JMY: variants seen among roughly 807,000 people sequenced by gnomAD.
JMY encodes junction mediating and regulatory protein, p53 cofactor.
A neutral mutation model predicts 103.3 loss-of-function variants in JMY; 46 were observed. The observed-to-expected ratio is 0.45, with a 90% CI of 0.35 to 0.57. The LOEUF (loss-of-function observed/expected upper bound fraction) is 0.57, where lower values mean the gene tolerates loss of function less well. Ranked by LOEUF, JMY falls within the 20% of genes least tolerant of loss-of-function variation. The probability of loss-of-function intolerance (pLI) is 0.00; values close to 1 mark genes in which losing one functional copy is unlikely to be tolerated. For missense variants in JMY, 1,238 were observed against 1,255.2 expected, an observed-to-expected ratio of 0.99 and a Z score of 0.21; for synonymous variants, 526 against 489.3, an observed-to-expected ratio of 1.07 and a Z score of -0.99.
At chr5:79,284,885 C>G (rs908114677) in intron 2 of JMY, 1 of 1,565,100 alleles carries the variant, frequency 6.4e-7, no homozygotes, top group East Asian at 2.2e-5. Context: ...TTTTTGCTGC[C>G]TTTCGTAAGG....
intron 7 of JMY, 60 bp downstream of exon 7, chr5:79,306,521 A>G: frequency 8.9e-7 from 1 of 1,119,360 alleles, no homozygotes; most frequent in Non-Finnish European, 1.3e-6. Flanking sequence ...TTTAGAGTGG[A>G]TAAAATCTGT....
At chr5:79,311,920 G>A (rs922997198) in intron 7 of JMY, among the ~76,000 whole-genome samples, 45 of 152,108 alleles carry the variant, frequency 3.0e-4, no homozygotes, top group Non-Finnish European at 5.9e-4. Context: ...AGGTTCAAGC[G>A]ATTCTCCTGC....
intron 2 of JMY, among the ~76,000 whole-genome samples, chr5:79,279,163 A>G (rs1023290400): frequency 7.2e-5 from 11 of 152,042 alleles, no homozygotes; most frequent in East Asian, 5.8e-4. Flanking sequence ...GTGAAAACCC[A>G]TCTCTACTAA....
rs557529241 is a variant in JMY, at chr5:79,244,820, C to T, written c.1032+7138C>T. On this transcript the variant is annotated intron_variant, in intron 1 of 10. Transcript: ENST00000396137. ...AGGCACTGAAAACTAAATAATAGTT[C>T]TTGTAACTATTTGTTTTTTTTTTTT... Among the ~76,000 whole-genome samples, 171 of 146,084 alleles carry T rather than the reference C, an allele frequency of 1.2e-3. 1 individual carries two copies. Among genetic ancestry groups the T allele is most frequent in the East Asian group, 8.2e-3 (41 of 5,030 alleles).
At position 79,236,655 on chromosome 5, in the gene JMY, C is replaced by A; in HGVS notation, c.5C>A (p.Ser2Ter). The A allele has an allele frequency of 1.4e-6, 2 of 1,417,136 alleles. No homozygotes were observed. Among genetic ancestry groups the A allele is most frequent in the Non-Finnish European group, 9.3e-7 (1 of 1,072,502 alleles). The allele number at this position is 1,417,136 out of a possible 1,614,324, so 87.8% of individuals were successfully genotyped here. Reference sequence around the variant, plus strand: ...CGGCGAGAAGCCGGAGCCACCATGTCGTTCGCGCTGGAGGAGACGCTCGAG... The same window carrying A: ...CGGCGAGAAGCCGGAGCCACCATGTAGTTCGCGCTGGAGGAGACGCTCGAG... M[S>*]FALEETLESD... is the part of the protein sequence containing the mutation. The change falls in exon 1 of 11, where the codon TCG (serine) becomes TAG (stop). Residue 2 changes from serine (S) to a stop codon, truncating the protein, a stop_gained. Transcript: ENST00000396137. LOFTEE classifies it high-confidence loss of function.
chr5:79,266,202 T>C (rs1478097313), intron 1 of JMY, among the ~76,000 whole-genome samples: 3 of 152,210 alleles, frequency 2.0e-5, no homozygotes, highest in Admixed American at 2.0e-4. Context: ...TTAAATTTGT[T>C]TGGGAGTTTG....
In JMY at chr5:79,237,132, C is replaced by T; in HGVS notation, c.482C>T (p.Ala161Val). Residue 161 changes from alanine to valine, a missense_variant, in exon 1 of 11, where the codon GCG (alanine) becomes GTG (valine). By Grantham distance (64) the Ala-to-Val change is moderately conservative. Coordinates refer to ENST00000396137, the MANE Select transcript of JMY (RefSeq NM_152405.5). ...AAAACATCTGAAGCCGACGATGCGG[C>T]GGGGGCAGCCGCTGCAGCAGCCCGG... The part of the protein sequence containing the change: ...GQKTSEADDA[A>V]GAAAAAARPA... 1.9e-6 allele frequency: 3 copies of T among 1,546,558 alleles called. No individual in the cohort carries two copies. Among genetic ancestry groups the T allele is most frequent in the Non-Finnish European group, 2.6e-6 (3 of 1,145,018 alleles).
rs1228727541 is a variant in JMY at position 79,236,794 on chromosome 5, C to G, written c.144C>G (p.Asn48Lys). 6.6e-7 allele frequency: 1 copy of G among 1,510,576 alleles called. No homozygotes were observed. Among genetic ancestry groups the G allele is most frequent in the Admixed American group, 2.1e-5 (1 of 46,622 alleles). 93.6% of individuals were successfully genotyped at this position (1,510,576 alleles called of 1,614,324 possible). A position where few individuals can be genotyped will look rare whatever the true frequency, so the allele number is the denominator to read the frequency against. The change falls in exon 1 of 11, where the codon AAC becomes AAG. Residue 48 changes from asparagine to lysine, a missense_variant. By Grantham distance (94) the Asn-to-Lys change is moderately conservative (BLOSUM62 0). Coordinates refer to ENST00000396137, the MANE Select transcript of JMY (RefSeq NM_152405.5). ...IEGKFAITCHNRTAQRQRSGS... is the reference protein window; with the variant it reads ...IEGKFAITCHKRTAQRQRSGS... Reference sequence around the variant, plus strand: ...GCAAGTTTGCCATAACCTGCCACAACCGGACGGCCCAGAGGCAGAGGAGCG... The same window carrying G: ...GCAAGTTTGCCATAACCTGCCACAAGCGGACGGCCCAGAGGCAGAGGAGCG...
intron 1 of JMY, among the ~76,000 whole-genome samples, chr5:79,270,388 TA>T (rs1247085909): frequency 2.6e-5 from 3 of 114,452 alleles, no homozygotes; most frequent in African/African-American, 3.7e-5. Context: ...AATATTTACA[TA>T]AAATATATAT....
chr5:79,265,905 C>T (rs570887666), intron 1 of JMY, among the ~76,000 whole-genome samples: 208 of 152,032 alleles, frequency 1.4e-3, no homozygotes, highest in African/African-American at 4.5e-3. Context: ...TTCAGCCTCC[C>T]GAGTAGCTGG....
At chr5:79,290,303 A>G in intron 3 of JMY, 32 bp downstream of exon 3, 1 of 1,404,796 alleles carries the variant, frequency 7.1e-7, no homozygotes, top group Non-Finnish European at 9.5e-7. Flanking sequence ...TCCTTTAGGT[A>G]TTTTTGAAAA....
At chr5:79,296,457 A>G (rs529839169) in intron 4 of JMY, among the ~76,000 whole-genome samples, 1 of 152,266 alleles carries the variant, frequency 6.6e-6, no homozygotes, top group East Asian at 1.9e-4. Context: ...CCTTAACATC[A>G]TTCACCTTAT....
At chr5:79,267,041 C>T (rs529571710) in intron 1 of JMY, among the ~76,000 whole-genome samples, 1 of 152,222 alleles carries the variant, frequency 6.6e-6, no homozygotes, top group South Asian at 2.1e-4. Context: ...TTTAGGTTTA[C>T]AGAAAAATTG....
intron 2 of JMY, among the ~76,000 whole-genome samples, chr5:79,280,253 C>A (rs1746068335): frequency 6.6e-6 from 1 of 152,216 alleles, no homozygotes; most frequent in South Asian, 2.1e-4. Context: ...TAGACTGCTG[C>A]ATTGTTTAGC....
At chr5:79,238,211 C>A (rs1744585040) in intron 1 of JMY, among the ~76,000 whole-genome samples, 1 of 152,060 alleles carries the variant, frequency 6.6e-6, no homozygotes, top group South Asian at 2.1e-4. Context: ...CTATCGGATG[C>A]AAATTTATTT....
In JMY at chr5:79,314,256, G is replaced by A; in HGVS notation, c.2065-1G>A. The A allele has an allele frequency of 6.2e-7, 1 of 1,601,332 alleles. No homozygotes were observed. Among genetic ancestry groups the A allele is most frequent in the Non-Finnish European group, 8.5e-7 (1 of 1,174,780 alleles). ...AGTTCCAATAACTTCTGGTATTTTAGAGGTATCCTGGGCAAGTCATACTTA... is the reference window on the plus strand; with the variant it reads ...AGTTCCAATAACTTCTGGTATTTTAAAGGTATCCTGGGCAAGTCATACTTA... On this transcript the variant is annotated splice_acceptor_variant, in intron 8 of 10. Transcript: ENST00000396137. LOFTEE classifies it high-confidence loss of function.
At position 79,237,444 on chromosome 5, in the gene JMY, G is replaced by A; in HGVS notation, c.794G>A (p.Gly265Asp). 3 of 1,613,846 alleles carry A rather than the reference G, an allele frequency of 1.9e-6. No homozygotes were observed. Among genetic ancestry groups the A allele is most frequent in the Non-Finnish European group, 1.7e-6 (2 of 1,180,012 alleles). The change falls in exon 1 of 11, where the codon GGC becomes GAC. Residue 265 changes from glycine to aspartate, a missense_variant. Coordinates refer to ENST00000396137, the MANE Select transcript of JMY (RefSeq NM_152405.5). The stretch of plus-strand genomic sequence containing the variant: ...CCGGTGTTCCCCGAGGAACCTTCGG[G>A]CATGTGGACTGTGCTGTTTGGGGGC... ...CLPVFPEEPS[G>D]MWTVLFGGAP...
chr5:79,296,256 A>G (rs1420332327), intron 4 of JMY, among the ~76,000 whole-genome samples: 1 of 152,262 alleles, frequency 6.6e-6, no homozygotes, highest in Non-Finnish European at 1.5e-5. Context: ...TTGGTTTGAC[A>G]TTAAATTATG....
At position 79,287,561 on chromosome 5, in the gene JMY, C is replaced by T. The variant is rs189543306; in HGVS notation, c.1207-2560C>T. 3.3e-5 allele frequency among the ~76,000 whole-genome samples: 5 copies of T among 152,220 alleles called. No individual in the cohort carries two copies. The East Asian group carries it at 7.7e-4, about 24-fold the overall frequency. The stretch of plus-strand genomic sequence containing the variant: ...GCTGGGAGACTGAGGCAGGAGGACA[C>T]TTGAGGCTGAGAGTTTGAGGCTGCA... On this transcript the variant is annotated intron_variant, in intron 2 of 10. Transcript: ENST00000396137.
Sources: allele counts gnomAD v4.1 joint callset (sites outside exome capture counted in the v4.1 genomes callset), GRCh38; gene constraint gnomAD v4.1.1; transcripts MANE v1.5; gene names NCBI Gene and HGNC (gene_info 2026-07-23, HGNC 2026-07-21).